The following CCDC30 variants were observed in gnomAD, a reference collection of about 807,000 sequenced individuals.
The protein encoded by CCDC30 is coiled-coil domain containing 30.
In CCDC30, 70 loss-of-function variants were observed where a neutral mutation model predicts 100.2. That is an observed-to-expected ratio of 0.70 (90% CI 0.58 to 0.85). The LOEUF is 0.85. Among genes scored for constraint, CCDC30 ranks in the 40% least tolerant of loss-of-function variants. CCDC30 has a pLI of 0.00. For synonymous variants in CCDC30, 233 were observed against 269.5 expected, an observed-to-expected ratio of 0.86 and a Z score of 1.33; for missense variants, 652 against 771.2, an observed-to-expected ratio of 0.85 and a Z score of 1.83.
At chr1:42,540,038 C>A (rs563868464) in intron 6 of CCDC30, among the ~76,000 whole-genome samples, 3 of 152,314 alleles carry the variant, frequency 2.0e-5, no homozygotes, top group Non-Finnish European at 2.9e-5. Flanking sequence ...TTATCACTAT[C>A]TCCTCCTGGC....
At chr1:42,595,240 GT>G (rs1646262330) in intron 10 of CCDC30, 1 of 152,074 alleles carries the variant, frequency 6.6e-6, no homozygotes, top group South Asian at 2.1e-4. Flanking sequence ...TGGCAAAAGC[GT>G]TATGGACAGA....
At chr1:42,517,987 G>A (rs1345846414) in intron 6 of CCDC30, among the ~76,000 whole-genome samples, 1 of 151,966 alleles carries the variant, frequency 6.6e-6, no homozygotes, top group Non-Finnish European at 1.5e-5. Context: ...ATTTTAGGAT[G>A]GATTGTTTTA....
chr1:42,461,496 T>C (rs1643409621), upstream of CCDC30, among the ~76,000 whole-genome samples: 1 of 151,432 alleles, frequency 6.6e-6, no homozygotes, highest in Non-Finnish European at 1.5e-5. Flanking sequence ...CCACCATGCC[T>C]GGCTAAATAT....
At chr1:42,623,656 G>T (rs1233467528) in intron 11 of CCDC30, among the ~76,000 whole-genome samples, 1 of 152,050 alleles carries the variant, frequency 6.6e-6, no homozygotes, top group Non-Finnish European at 1.5e-5. Context: ...TAATTTGAAG[G>T]CACGTAATGT....
intron 6 of CCDC30, among the ~76,000 whole-genome samples, chr1:42,557,714 T>TTTTATTTATATTAAATATATTAAATAAA (rs1479151499): frequency 6.8e-6 from 1 of 147,610 alleles, no homozygotes; most frequent in Non-Finnish European, 1.5e-5. Context: ...AAATAAAATA[T>TTTTATTTATATTAAATATATTAAATAAA]GTAAATAATA....
At chr1:42,581,620 C>T (rs1645969144) in intron 9 of CCDC30, 106 bp downstream of exon 13, 1 of 1,023,730 alleles carries the variant, frequency 9.8e-7, no homozygotes, top group East Asian at 2.7e-5. Flanking sequence ...TCTGCTCTGT[C>T]CCCACTGAAG....
intron 8 of CCDC30, chr1:42,580,782 A>T (rs1023227497): frequency 4.4e-6 from 2 of 454,578 alleles, no homozygotes; most frequent in African/African-American, 4.0e-5. Context: ...ATGCTAAGCA[A>T]TATGCTAATA....
At chr1:42,546,427 T>A (rs1417123007) in intron 6 of CCDC30, among the ~76,000 whole-genome samples, 1,212 of 91,000 alleles carry the variant, frequency 0.013, 88 homozygotes, top group African/African-American at 0.041. Flanking sequence ...TATATATATA[T>A]ATATATATAT....
chr1:42,602,335 A>G (rs1646420410), intron 10 of CCDC30, among the ~76,000 whole-genome samples: 1 of 152,152 alleles, frequency 6.6e-6, no homozygotes, highest in African/African-American at 2.4e-5. Flanking sequence ...ATTCAATAGA[A>G]TAACAAAACT....
intron 7 of CCDC30, among the ~76,000 whole-genome samples, chr1:42,568,424 T>G (rs964723288): frequency 6.6e-6 from 1 of 152,180 alleles, no homozygotes; most frequent in East Asian, 1.9e-4. Flanking sequence ...CTGTCTACTT[T>G]ATCTCTTACG....
intron 10 of CCDC30, 119 bp downstream of exon 14, chr1:42,589,602 A>G (rs1646144627): frequency 1.3e-5 from 11 of 842,436 alleles, no homozygotes; most frequent in Non-Finnish European, 1.9e-5. Context: ...CAGTCAGGAA[A>G]GTAGAATCTA....
At chr1:42,548,949 G>T (rs1391853841) in intron 6 of CCDC30, among the ~76,000 whole-genome samples, 1 of 152,128 alleles carries the variant, frequency 6.6e-6, no homozygotes, top group Non-Finnish European at 1.5e-5. Context: ...TAGATTTTAA[G>T]CTCCTTTAAG....
chr1:42,504,096 G>A (rs1284019972), intron 6 of CCDC30, among the ~76,000 whole-genome samples: 1 of 152,242 alleles, frequency 6.6e-6, no homozygotes, highest in Admixed American at 6.5e-5. Flanking sequence ...GAAGGGATGG[G>A]CTAAATTAAA....
chr1:42,616,187 A>G (rs1646724460), intron 11 of CCDC30, among the ~76,000 whole-genome samples: 1 of 152,226 alleles, frequency 6.6e-6, no homozygotes, highest in South Asian at 2.1e-4. Flanking sequence ...AAGTGCTGGG[A>G]TTACAGGCAT....
At chr1:42,503,116 CT>C (rs1308956239) in intron 6 of CCDC30, among the ~76,000 whole-genome samples, 5 of 152,162 alleles carry the variant, frequency 3.3e-5, no homozygotes, top group African/African-American at 1.2e-4. Flanking sequence ...AACTCCTGAG[CT>C]CAAGCAATCA....
intron 11 of CCDC30, among the ~76,000 whole-genome samples, chr1:42,635,163 C>A (rs1647126673): frequency 6.6e-6 from 1 of 152,126 alleles, no homozygotes; most frequent in Admixed American, 6.6e-5. Flanking sequence ...TCAAGTGATT[C>A]TCCTGCCTCA....
intron 6 of CCDC30, chr1:42,500,102 G>A: frequency 9.1e-7 from 1 of 1,099,824 alleles, no homozygotes; most frequent in Non-Finnish European, 1.4e-6. Flanking sequence ...ATTTAAACTT[G>A]ATCCAACCTC....
Position 42,532,778 on chromosome 1 carries a change from A to T in CCDC30, c.457-33518A>T, listed in dbSNP as rs542436229. On this transcript the variant is annotated intron_variant, in intron 6 of 16. Coordinates refer to ENST00000668663, the Ensembl canonical transcript of CCDC30. ...AAAGTTTTTATTTATTTATTTATTT[A>T]TTTTTTGAGACGGAGTCTCCCTCTG... Among the ~76,000 whole-genome samples the T allele has an allele frequency of 4.8e-4, 73 of 152,086 alleles. 1 individual carries two copies. The highest frequency in any genetic ancestry group is 7.7e-4 in the African/African-American group (32 of 41,454).
At chr1:42,641,772 C>T (rs756419661) in intron 12 of CCDC30, among the ~76,000 whole-genome samples, 3 of 151,884 alleles carry the variant, frequency 2.0e-5, no homozygotes, top group African/African-American at 7.3e-5. Flanking sequence ...GAGGCTGAGG[C>T]TAAACCTGAG....
Sources: allele counts gnomAD v4.1 joint callset (sites outside exome capture counted in the v4.1 genomes callset), GRCh38; gene constraint gnomAD v4.1.1; transcripts MANE v1.5; gene names NCBI Gene and HGNC (gene_info 2026-07-23, HGNC 2026-07-21).